CPEB3: variants seen among roughly 807,000 people sequenced by gnomAD.
The protein encoded by CPEB3 is cytoplasmic polyadenylation element binding protein 3, also known as cytoplasmic polyadenylation element-binding protein 3.
CPEB3 carries 20 observed loss-of-function variants against 67.2 expected under a neutral mutation model. The observed-to-expected ratio is 0.30, with a 90% CI of 0.21 to 0.43. The LOEUF (loss-of-function observed/expected upper bound fraction) is 0.43. CPEB3 is among the 20% of genes least tolerant of loss of function. The probability of loss-of-function intolerance (pLI) is 1.00; values close to 1 mark genes in which losing one functional copy is unlikely to be tolerated. For missense variants in CPEB3, 746 were observed against 968.6 expected (o/e 0.77, Z 3.05); for synonymous variants, 376 against 393.1 (o/e 0.96, Z 0.51).
intron 2 of CPEB3, among the ~76,000 whole-genome samples, chr10:92,211,046 T>C (rs10882036): frequency 0.31 from 47,401 of 152,028 alleles, 7,708 homozygotes; most frequent in Admixed American, 0.43. Context: ...TGAGACTCCA[T>C]CTCAAAAAAT....
intron 6 of CPEB3, among the ~76,000 whole-genome samples, chr10:92,112,755 T>C (rs1465854206): frequency 6.6e-6 from 1 of 152,216 alleles, no homozygotes; most frequent in Non-Finnish European, 1.5e-5. Flanking sequence ...TCAGCTGTCA[T>C]TCCTCAACTC....
In CPEB3 at chr10:92,133,979, A is replaced by G. The variant is rs546395267; in HGVS notation, c.1453+9050T>C. Among the ~76,000 whole-genome samples, 296 of 152,340 alleles carry G rather than the reference A, an allele frequency of 1.9e-3. 1 individual carries two copies. The highest frequency in any genetic ancestry group is 6.9e-3 in the African/African-American group (288 of 41,578). ...ACAAAATTCAGCAGCCCTTCATGCT[A>G]AAAACTCTCAATAAATTAGGTATTG... is the stretch of plus-strand genomic sequence containing the variant. On this transcript the variant is annotated intron_variant, in intron 6 of 9. Coordinates refer to ENST00000265997, the MANE Select transcript of CPEB3 (RefSeq NM_014912.5).
At chr10:92,090,022 GA>G (rs1843548841) in intron 8 of CPEB3, among the ~76,000 whole-genome samples, 2 of 152,066 alleles carry the variant, frequency 1.3e-5, no homozygotes, top group Non-Finnish European at 1.5e-5. Flanking sequence ...ATTTACAGAA[GA>G]AAAATGATAC....
At chr10:92,078,154 C>T (rs1357418481) in intron 9 of CPEB3, among the ~76,000 whole-genome samples, 2 of 152,132 alleles carry the variant, frequency 1.3e-5, no homozygotes, top group African/African-American at 4.8e-5. Flanking sequence ...CACTGTACAC[C>T]GAAGCTCAGA....
At chr10:92,172,979 T>C (rs1402650934) in intron 4 of CPEB3, among the ~76,000 whole-genome samples, 1 of 152,206 alleles carries the variant, frequency 6.6e-6, no homozygotes. Context: ...TCTCTAAGAC[T>C]GTTAGACTGT....
chr10:92,155,665 TTCTC>T (rs1447321407), intron 4 of CPEB3, among the ~76,000 whole-genome samples: 5 of 152,330 alleles, frequency 3.3e-5, no homozygotes, highest in East Asian at 1.9e-4. Context: ...GCATTTGCAC[TTCTC>T]TCTGTCTCTC....
At chr10:92,209,907 A>C (rs1849990804) in intron 2 of CPEB3, among the ~76,000 whole-genome samples, 1 of 142,694 alleles carries the variant, frequency 7.0e-6, no homozygotes, top group Non-Finnish European at 1.5e-5. Context: ...TTGCCACTGC[A>C]TTCCAGCCTG....
At chr10:92,290,502 C>T (rs1017337970) in intron 1 of CPEB3, among the ~76,000 whole-genome samples, 3 of 152,120 alleles carry the variant, frequency 2.0e-5, no homozygotes, top group Non-Finnish European at 2.9e-5. Flanking sequence ...TGGAGACTGT[C>T]GGCGAGCCCT....
At chr10:92,084,267 C>A (rs1204334495) in intron 8 of CPEB3, among the ~76,000 whole-genome samples, 2 of 152,008 alleles carry the variant, frequency 1.3e-5, no homozygotes, top group Non-Finnish European at 2.9e-5. Flanking sequence ...TCTGCACATT[C>A]CAAGGATTAG....
At chr10:92,062,061 G>A (rs1411830979) in intron 9 of CPEB3, among the ~76,000 whole-genome samples, 1 of 152,032 alleles carries the variant, frequency 6.6e-6, no homozygotes, top group South Asian at 2.1e-4. Flanking sequence ...GGTTAACATG[G>A]TGAAACCCAA....
intron 2 of CPEB3, among the ~76,000 whole-genome samples, chr10:92,224,723 G>A (rs1258757791): frequency 6.6e-6 from 1 of 151,862 alleles, no homozygotes; most frequent in East Asian, 1.9e-4. Context: ...GTATGCGCCT[G>A]TAGTCCTAGC....
chr10:92,185,658 T>C (rs1169640632), intron 3 of CPEB3, among the ~76,000 whole-genome samples: 2 of 152,118 alleles, frequency 1.3e-5, no homozygotes, highest in African/African-American at 2.4e-5. Context: ...CTCTAATCAC[T>C]CCCTTTGCTC....
At chr10:92,225,463 G>A (rs1850924581) in intron 2 of CPEB3, among the ~76,000 whole-genome samples, 1 of 152,070 alleles carries the variant, frequency 6.6e-6, no homozygotes, top group South Asian at 2.1e-4. Flanking sequence ...CTTGAACCCA[G>A]TTGGAGTCCA....
intron 9 of CPEB3, among the ~76,000 whole-genome samples, chr10:92,065,926 T>C (rs1210086254): frequency 2.0e-5 from 3 of 151,706 alleles, no homozygotes; most frequent in South Asian, 2.1e-4. Context: ...AGACCCCCCC[T>C]CTCTATCAAA....
At chr10:92,283,722 C>CTTTTTTT (rs869248048) in intron 1 of CPEB3, among the ~76,000 whole-genome samples, 9 of 108,952 alleles carry the variant, frequency 8.3e-5, no homozygotes, top group East Asian at 2.9e-4. Flanking sequence ...CTTTTTCTTT[C>CTTTTTTT]TTTTTTTTTT....
At chr10:92,240,880 C>A (rs566054478) in intron 1 of CPEB3, among the ~76,000 whole-genome samples, 28 of 139,034 alleles carry the variant, frequency 2.0e-4, no homozygotes, top group Non-Finnish European at 3.8e-4. Flanking sequence ...AACAAAAAAA[C>A]CAGTATTAGC....
At chr10:92,283,722 C>CTT (rs869248048) in intron 1 of CPEB3, among the ~76,000 whole-genome samples, 1,210 of 108,836 alleles carry the variant, frequency 0.011, 14 homozygotes, top group Middle Eastern at 0.019. Flanking sequence ...CTTTTTCTTT[C>CTT]TTTTTTTTTT....
intron 1 of CPEB3, among the ~76,000 whole-genome samples, chr10:92,270,595 C>CTTTTTTTTTTTTTTTT: frequency 7.0e-6 from 1 of 143,242 alleles, no homozygotes. Flanking sequence ...CAGGTTCTCA[C>CTTTTTTTTTTTTTTTT]TCTGTTGCCC....
intron 6 of CPEB3, chr10:92,118,872 A>G: frequency 4.9e-6 from 3 of 607,348 alleles, no homozygotes; most frequent in South Asian, 1.8e-5. Context: ...TGCCACCATG[A>G]CACTGGTACT....
Sources: gnomAD v4.1 joint callset for allele counts (sites outside exome capture counted in the v4.1 genomes callset) on GRCh38, gnomAD v4.1.1 for gene constraint, MANE v1.5 for transcripts, NCBI Gene and HGNC (gene_info 2026-07-23, HGNC 2026-07-21) for gene names.